The following PPP2R2A variants were observed in gnomAD, a reference collection of about 807,000 sequenced individuals.
The protein encoded by PPP2R2A is protein phosphatase 2 regulatory subunit Balpha.
PPP2R2A carries 9 observed loss-of-function variants against 53.2 expected under a neutral mutation model. That is an observed-to-expected ratio of 0.17 (90% CI 0.10 to 0.30). PPP2R2A has a LOEUF of 0.30. Ranked by LOEUF, PPP2R2A falls within the 10% of genes least tolerant of loss-of-function variation. PPP2R2A has a pLI of 1.00. For synonymous variants in PPP2R2A, 169 were observed against 174.2 expected (o/e 0.97, Z 0.23); for missense variants, 235 against 534.6 (o/e 0.44, Z 5.53).
intron 3 of PPP2R2A, among the ~76,000 whole-genome samples, chr8:26,351,592 T>C (rs896526772): frequency 3.3e-5 from 5 of 152,226 alleles, no homozygotes; most frequent in African/African-American, 7.2e-5. Flanking sequence ...TTATATCTCT[T>C]ATTCATCTGT....
In PPP2R2A at chr8:26,293,542, G is replaced by A. The variant is rs1220842654; in HGVS notation, c.8-124G>A. 5.6e-6 allele frequency: 5 copies of A among 886,406 alleles called. No individual in the cohort carries two copies. In the East Asian group the frequency reaches 1.3e-4, roughly 23 times the overall value. 54.9% of individuals were successfully genotyped at this position (886,406 alleles called of 1,614,324 possible). On this transcript the variant is annotated intron_variant, in intron 1 of 9. Transcript: ENST00000380737. Reference sequence around the variant, plus strand: ...CTCTTTCCAAACTGGTGCTCTTGGTGGTAGTTGTATGTGTGGGCAGAACTA... The same window carrying A: ...CTCTTTCCAAACTGGTGCTCTTGGTAGTAGTTGTATGTGTGGGCAGAACTA...
At chr8:26,356,358 T>C (rs956985395) in intron 4 of PPP2R2A, among the ~76,000 whole-genome samples, 3 of 152,172 alleles carry the variant, frequency 2.0e-5, no homozygotes, top group African/African-American at 7.2e-5. Context: ...TCATGAAAGC[T>C]TTCCCCAGCC....
At chr8:26,315,085 G>A (rs1185633516) in intron 2 of PPP2R2A, among the ~76,000 whole-genome samples, 1 of 152,108 alleles carries the variant, frequency 6.6e-6, no homozygotes, top group Non-Finnish European at 1.5e-5. Context: ...TCTTTGAGAA[G>A]ATTAATAGTT....
At chr8:26,358,311 A>G (rs893202430) in intron 4 of PPP2R2A, among the ~76,000 whole-genome samples, 1 of 152,158 alleles carries the variant, frequency 6.6e-6, no homozygotes, top group Admixed American at 6.5e-5. Context: ...GGGTGTTGTC[A>G]TCCTCATCAC....
At chr8:26,331,822 T>C (rs1803392795) in intron 2 of PPP2R2A, among the ~76,000 whole-genome samples, 1 of 152,248 alleles carries the variant, frequency 6.6e-6, no homozygotes, top group Non-Finnish European at 1.5e-5. Context: ...TATCTTAAGA[T>C]TTATGCTATT....
intron 2 of PPP2R2A, among the ~76,000 whole-genome samples, chr8:26,306,267 G>A (rs1398280046): frequency 4.6e-5 from 7 of 151,766 alleles, no homozygotes; most frequent in Non-Finnish European, 1.0e-4. Context: ...CTTGAGGTCA[G>A]GTGTTCGAGA....
At chr8:26,304,223 G>C (rs567882766) in intron 2 of PPP2R2A, among the ~76,000 whole-genome samples, 8 of 151,912 alleles carry the variant, frequency 5.3e-5, no homozygotes, top group African/African-American at 1.9e-4. Context: ...GAGATAATAT[G>C]GGAGGGATTA....
Position 26,321,681 on chromosome 8 carries a change from C to T in PPP2R2A, c.83-17209C>T, listed in dbSNP as rs1029185963. On this transcript the variant is annotated intron_variant, in intron 2 of 9. Transcript: ENST00000380737. The surrounding 1 kb of genome is among the most constrained non-coding windows in gnomAD (Gnocchi z 4.1). ...TGACACCTGTCAGCAGCCAGGCGCACGAGCTTGGAAGTAGATCTCCTCCTC... is the reference window on the plus strand; with the variant it reads ...TGACACCTGTCAGCAGCCAGGCGCATGAGCTTGGAAGTAGATCTCCTCCTC... Among the ~76,000 whole-genome samples, 80 of 152,298 alleles carry T rather than the reference C, an allele frequency of 5.3e-4. No individual in the cohort carries two copies. Among genetic ancestry groups the T allele is most frequent in the African/African-American group, 1.8e-3 (74 of 41,578 alleles).
rs1385106257 is a variant in PPP2R2A, at chr8:26,292,309, G to GT, written c.7+484dup. 3 of 989,328 alleles carry GT rather than the reference G, an allele frequency of 3.0e-6. No homozygotes were observed. The African/African-American group carries it at 5.2e-5, about 17-fold the overall frequency. 61.3% of individuals were successfully genotyped at this position (989,328 alleles called of 1,614,324 possible). ...AGAGCGCCTTATAAGTTAAAATACA[G>GT]TGGGGGCATATGTGTATTTTTTCCC... On this transcript the variant is annotated intron_variant, in intron 1 of 9. Coordinates refer to ENST00000380737, the MANE Select transcript of PPP2R2A (RefSeq NM_002717.4).
intron 6 of PPP2R2A, among the ~76,000 whole-genome samples, chr8:26,361,661 T>C (rs1338979431): frequency 6.6e-6 from 1 of 152,098 alleles, no homozygotes; most frequent in East Asian, 1.9e-4. Context: ...TTGAATTTTT[T>C]ATTGTAAAAA....
At chr8:26,310,471 A>T (rs959219169) in intron 2 of PPP2R2A, among the ~76,000 whole-genome samples, 6 of 151,330 alleles carry the variant, frequency 4.0e-5, no homozygotes, top group Non-Finnish European at 7.4e-5. Flanking sequence ...GTTTTTTTCC[A>T]GTTAACATAT....
intron 3 of PPP2R2A, among the ~76,000 whole-genome samples, chr8:26,341,050 T>C (rs1239225253): frequency 1.3e-5 from 2 of 152,162 alleles, no homozygotes; most frequent in Non-Finnish European, 1.5e-5. Context: ...CTCCTTTTCA[T>C]GTGTCTCATT....
intron 2 of PPP2R2A, among the ~76,000 whole-genome samples, chr8:26,310,943 C>T (rs1388385608): frequency 6.6e-6 from 1 of 152,102 alleles, no homozygotes; most frequent in Non-Finnish European, 1.5e-5. Context: ...CCTTCTGAAT[C>T]ATACATTGTA....
Position 26,291,920 on chromosome 8 carries a change from G to T in PPP2R2A, c.7+94G>T. On this transcript the variant is annotated intron_variant, in intron 1 of 9. Transcript: ENST00000380737. Reference sequence around the variant, plus strand: ...AGCGACCGCCCGCGCCTCGCGCAGAGCCACAGGGCGCCCCTCGGGTTTGAG... The same window carrying T: ...AGCGACCGCCCGCGCCTCGCGCAGATCCACAGGGCGCCCCTCGGGTTTGAG... The T allele has an allele frequency of 3.1e-6, 4 of 1,276,992 alleles. No individual in the cohort carries two copies. In the South Asian group the frequency reaches 5.0e-5, roughly 16 times the overall value. The allele number at this position is 1,276,992 out of a possible 1,614,324, so 79.1% of individuals were successfully genotyped here.
At chr8:26,363,559 T>C (rs1805225504) in intron 7 of PPP2R2A, 162 bp from the exon 8 acceptor site, 1 of 592,898 alleles carries the variant, frequency 1.7e-6, no homozygotes, top group Non-Finnish European at 2.7e-6. Context: ...ACTAAGAAGC[T>C]TTCAGGAGAA....
intron 2 of PPP2R2A, among the ~76,000 whole-genome samples, chr8:26,326,986 C>T (rs1434936808): frequency 6.6e-6 from 1 of 152,142 alleles, no homozygotes; most frequent in Non-Finnish European, 1.5e-5. Context: ...TTTATCCAAA[C>T]GGGCTATCAG....
At chr8:26,324,400 C>A (rs1585356570) in intron 2 of PPP2R2A, among the ~76,000 whole-genome samples, 1 of 152,294 alleles carries the variant, frequency 6.6e-6, no homozygotes. Flanking sequence ...TTGTCTTACT[C>A]TTGTACCTAG....
chr8:26,320,510 T>C (rs1802781623), intron 2 of PPP2R2A, among the ~76,000 whole-genome samples: 1 of 152,198 alleles, frequency 6.6e-6, no homozygotes, highest in Admixed American at 6.5e-5. Context: ...TATTCTAACT[T>C]ACGATTAGTC....
intron 2 of PPP2R2A, among the ~76,000 whole-genome samples, chr8:26,294,962 G>T (rs1439745033): frequency 1.3e-5 from 2 of 152,164 alleles, no homozygotes; most frequent in Non-Finnish European, 2.9e-5. Context: ...GTAAATCAAG[G>T]TTTTCTGATG....
Sources: allele counts gnomAD v4.1 joint callset (sites outside exome capture counted in the v4.1 genomes callset), GRCh38; gene constraint gnomAD v4.1.1; non-coding constraint Gnocchi (gnomAD v3.1); transcripts MANE v1.5; gene names NCBI Gene and HGNC (gene_info 2026-07-23, HGNC 2026-07-21).